PDE7B: variants seen among roughly 807,000 people sequenced by gnomAD.
PDE7B encodes the protein phosphodiesterase 7B.
PDE7B carries 29 observed loss-of-function variants against 56.2 expected under a neutral mutation model. That is an observed-to-expected ratio of 0.52 (90% CI 0.38 to 0.70). The LOEUF is 0.70. PDE7B is among the 30% of genes least tolerant of loss of function. PDE7B has a pLI of 0.00. For synonymous variants in PDE7B, 197 were observed against 196.9 expected (o/e 1.00, Z 0.00); for missense variants, 490 against 565.0 (o/e 0.87, Z 1.35).
At chr6:135,956,248 G>C (rs1261145752) in intron 2 of PDE7B, among the ~76,000 whole-genome samples, 2 of 152,130 alleles carry the variant, frequency 1.3e-5, no homozygotes, top group African/African-American at 4.8e-5. Context: ...AAAGATAAAG[G>C]AAAAGGAGAG....
chr6:136,024,312 C>T (rs139170948), intron 2 of PDE7B, among the ~76,000 whole-genome samples: 5 of 152,246 alleles, frequency 3.3e-5, no homozygotes, highest in African/African-American at 9.6e-5. Flanking sequence ...GTAAAGGGCC[C>T]AGCAGCCGAT....
At chr6:136,105,182 C>G (rs1777627890) in intron 2 of PDE7B, among the ~76,000 whole-genome samples, 1 of 152,182 alleles carries the variant, frequency 6.6e-6, no homozygotes, top group Non-Finnish European at 1.5e-5. Flanking sequence ...CTGAAATGCT[C>G]TTTGATTGAA....
chr6:135,919,080 G>A (rs117125544), intron 1 of PDE7B, among the ~76,000 whole-genome samples: 3,632 of 152,214 alleles, frequency 0.024, 70 homozygotes, highest in Middle Eastern at 0.061. Context: ...ACTGAGTATG[G>A]GAGTTACTCT....
chr6:136,117,376 A>G (rs1777851309), intron 3 of PDE7B, among the ~76,000 whole-genome samples: 1 of 152,118 alleles, frequency 6.6e-6, no homozygotes, highest in Admixed American at 6.5e-5. Context: ...TCCCACCTTC[A>G]ACGTTTCAGA....
At position 136,148,886 on chromosome 6, in the gene PDE7B, T is replaced by G. The variant is rs3778285; in HGVS notation, c.319-201T>G. Reference sequence around the variant, plus strand: ...ATAACCTAATATCCCTTCATTTTTCTGACGTGTTGTGACGGTCTTTTTGTG... The same window carrying G: ...ATAACCTAATATCCCTTCATTTTTCGGACGTGTTGTGACGGTCTTTTTGTG... On this transcript the variant is annotated intron_variant, in intron 4 of 12. Transcript: ENST00000308191. 5.3e-5 allele frequency among the ~76,000 whole-genome samples: 8 copies of G among 152,360 alleles called. No homozygotes were observed. In the East Asian group the frequency reaches 7.7e-4, roughly 15 times the overall value.
chr6:136,165,278 C>CGTGT (rs1778774624), intron 8 of PDE7B, among the ~76,000 whole-genome samples: 2 of 151,888 alleles, frequency 1.3e-5, no homozygotes, highest in Non-Finnish European at 2.9e-5. Flanking sequence ...TAGATAAGGT[C>CGTGT]GTGTGTGTGT....
At chr6:136,024,085 C>T (rs1203192777) in intron 2 of PDE7B, among the ~76,000 whole-genome samples, 1 of 152,076 alleles carries the variant, frequency 6.6e-6, no homozygotes, top group African/African-American at 2.4e-5. Context: ...AAAAAAACCT[C>T]CTCTAGGAAT....
At chr6:135,923,921 AAAAG>A (rs1328511212) in intron 1 of PDE7B, among the ~76,000 whole-genome samples, 2 of 152,212 alleles carry the variant, frequency 1.3e-5, no homozygotes, top group Non-Finnish European at 2.9e-5. Context: ...AGTACACAGT[AAAAG>A]AAATTCAGAG....
intron 1 of PDE7B, among the ~76,000 whole-genome samples, chr6:135,943,423 G>A (rs1389264709): frequency 6.6e-6 from 1 of 152,164 alleles, no homozygotes; most frequent in Non-Finnish European, 1.5e-5. Context: ...AGTGGTTAGT[G>A]GGTGAGAGAA....
At chr6:135,883,046 G>GT in intron 1 of PDE7B, among the ~76,000 whole-genome samples, 2 of 152,162 alleles carry the variant, frequency 1.3e-5, no homozygotes, top group South Asian at 4.2e-4. Flanking sequence ...CATTCTTCAG[G>GT]TATCAGGGTG....
chr6:135,934,976 T>A (rs1474548361), intron 1 of PDE7B, among the ~76,000 whole-genome samples: 3 of 60,648 alleles, frequency 4.9e-5, no homozygotes, highest in East Asian at 1.2e-3. Context: ...TATTTCTCTA[T>A]ATATTTTATA....
intron 2 of PDE7B, among the ~76,000 whole-genome samples, chr6:136,046,628 C>G (rs1004622289): frequency 2.0e-5 from 3 of 152,188 alleles, no homozygotes; most frequent in Non-Finnish European, 2.9e-5. Context: ...TGACGCTTCC[C>G]TGCAATTCCC....
intron 2 of PDE7B, among the ~76,000 whole-genome samples, chr6:135,972,810 A>G (rs1219639002): frequency 1.3e-5 from 2 of 152,198 alleles, no homozygotes; most frequent in Non-Finnish European, 2.9e-5. Flanking sequence ...GACAGCTGCA[A>G]TGTTCTTGGC....
At chr6:136,107,375 C>T (rs1005326457) in intron 2 of PDE7B, among the ~76,000 whole-genome samples, 2 of 152,200 alleles carry the variant, frequency 1.3e-5, no homozygotes, top group Non-Finnish European at 2.9e-5. Context: ...TCACATATTT[C>T]TACCTCTCCT....
intron 1 of PDE7B, among the ~76,000 whole-genome samples, chr6:135,907,532 C>T (rs888940704): frequency 2.0e-5 from 3 of 152,038 alleles, no homozygotes; most frequent in Non-Finnish European, 4.4e-5. Context: ...CCAATACAAG[C>T]TACTCTGCTA....
Position 136,108,745 on chromosome 6 carries a change from A to G in PDE7B, c.97A>G (p.Arg33Gly). The change falls in exon 3 of 13, where the codon AGG becomes GGG. Residue 33 changes from arginine (R) to glycine (G), a missense_variant. Physicochemically the swap from Arg to Gly is moderately radical, Grantham distance 125. Coordinates refer to ENST00000308191, the MANE Select transcript of PDE7B (RefSeq NM_018945.4). ...CTGTTTTCTAGGAGATATACGACTAAGGGGTCAGACGGGGGTTCGTGCTGA... is the reference window on the plus strand; with the variant it reads ...CTGTTTTCTAGGAGATATACGACTAGGGGGTCAGACGGGGGTTCGTGCTGA... ...CVCMLGDIRL[R>G]GQTGVRAERR... 6.2e-7 allele frequency: 1 copy of G among 1,609,314 alleles called. No homozygotes were observed.
At chr6:136,188,984 G>A (rs1309583209) in intron 12 of PDE7B, among the ~76,000 whole-genome samples, 1 of 152,174 alleles carries the variant, frequency 6.6e-6, no homozygotes, top group African/African-American at 2.4e-5. Context: ...AATCCAAAGA[G>A]ATAAATGGAA....
At chr6:136,038,241 G>T (rs1274088891) in intron 2 of PDE7B, 2 of 1,300,686 alleles carry the variant, frequency 1.5e-6, no homozygotes, top group African/African-American at 3.0e-5. Flanking sequence ...AGCAGCAGCA[G>T]CAGCAGCACC....
At chr6:136,110,915 T>G (rs906795745) in intron 3 of PDE7B, 2 of 152,226 alleles carry the variant, frequency 1.3e-5, no homozygotes, top group Non-Finnish European at 2.9e-5. Flanking sequence ...TCTGAGCACC[T>G]GGGCTCAACC....
Sources: gnomAD v4.1 joint callset for allele counts (sites outside exome capture counted in the v4.1 genomes callset) on GRCh38, gnomAD v4.1.1 for gene constraint, MANE v1.5 for transcripts, NCBI Gene and HGNC (gene_info 2026-07-23, HGNC 2026-07-21) for gene names.